PDHX: variants seen among roughly 807,000 people sequenced by gnomAD.
The protein encoded by PDHX is pyruvate dehydrogenase protein X component, mitochondrial.
A neutral mutation model predicts 55.3 loss-of-function variants in PDHX; 33 were observed. The observed-to-expected ratio is 0.60, with a 90% CI of 0.45 to 0.80. PDHX has a LOEUF of 0.80. Among genes scored for constraint, PDHX ranks in the 30% least tolerant of loss-of-function variants. The pLI is 0.00. For synonymous variants in PDHX, 226 were observed against 219.4 expected (o/e 1.03, Z -0.27); for missense variants, 622 against 619.9 (o/e 1.00, Z -0.04).
intron 5 of PDHX, among the ~76,000 whole-genome samples, chr11:34,964,795 CTATTAGCATAACTAATAT>C (rs1855093657): frequency 3.6e-5 from 1 of 27,424 alleles, no homozygotes; most frequent in African/African-American, 6.8e-5. Flanking sequence ...CTAATATTAG[CTATTAGCATAACTAATAT>C]TAGCTATTAG....
chr11:34,927,596 C>CCCCCA (rs1354286326), intron 1 of PDHX, among the ~76,000 whole-genome samples: 2 of 152,014 alleles, frequency 1.3e-5, no homozygotes, highest in African/African-American at 2.4e-5. Context: ...TAATTACTTT[C>CCCCCA]CCATCAGAAA....
At chr11:34,965,643 G>T (rs1276921609) in intron 5 of PDHX, among the ~76,000 whole-genome samples, 1 of 152,148 alleles carries the variant, frequency 6.6e-6, no homozygotes, top group Non-Finnish European at 1.5e-5. Context: ...TACACCAGGG[G>T]CAGGAATATT....
chr11:34,982,600 G>A (rs1473916397), intron 8 of PDHX, among the ~76,000 whole-genome samples: 1 of 151,980 alleles, frequency 6.6e-6, no homozygotes, highest in Non-Finnish European at 1.5e-5. Context: ...TATCACCACC[G>A]ATCCCACAGA....
At chr11:34,950,660 A>G (rs1374946019) in intron 3 of PDHX, among the ~76,000 whole-genome samples, 5 of 151,648 alleles carry the variant, frequency 3.3e-5, no homozygotes, top group Admixed American at 6.6e-5. Flanking sequence ...TTTACTGAGA[A>G]TGATGATTTC....
chr11:34,941,480 T>G (rs1282332514), intron 2 of PDHX, among the ~76,000 whole-genome samples: 1 of 152,210 alleles, frequency 6.6e-6, no homozygotes, highest in Non-Finnish European at 1.5e-5. Flanking sequence ...TTGAATTATT[T>G]TTGTTTCTGA....
chr11:34,947,564 T>C lies in PDHX; in HGVS notation c.300T>C (p.Val100=). 6.2e-7 allele frequency: 1 copy of C among 1,613,552 alleles called. No homozygotes were observed. Among genetic ancestry groups the C allele is most frequent in the South Asian group, 1.1e-5 (1 of 91,072 alleles). Residue 100 remains valine (V), a synonymous_variant, in exon 3 of 11, where the codon GTT becomes GTC. Coordinates refer to ENST00000227868, the MANE Select transcript of PDHX (RefSeq NM_003477.3). ...AAATTGAGACTGACAAAGCTGTGGT[T>C]ACCTTAGATGCAAGTGATGATGGAA... ...LCEIETDKAV[V]TLDASDDGIL... is the part of the protein sequence containing the mutation.
At chr11:34,916,234 G>A (rs146420175), upstream of PDHX, 5 of 1,611,754 alleles carry the variant, frequency 3.1e-6, no homozygotes, top group Non-Finnish European at 4.2e-6. Flanking sequence ...CTACCTGCGC[G>A]CCGCATCTCC....
intron 9 of PDHX, among the ~76,000 whole-genome samples, chr11:34,991,676 A>T (rs896152433): frequency 6.6e-6 from 1 of 152,080 alleles, no homozygotes; most frequent in Non-Finnish European, 1.5e-5. Context: ...TGGGAGGCCG[A>T]GGTGGGTGGA....
At chr11:34,973,659 A>G (rs551609406) in intron 7 of PDHX, among the ~76,000 whole-genome samples, 2 of 152,272 alleles carry the variant, frequency 1.3e-5, no homozygotes, top group South Asian at 4.1e-4. Context: ...CATGTTTAAT[A>G]TAAGAACCTC....
intron 7 of PDHX, among the ~76,000 whole-genome samples, chr11:34,972,951 A>G (rs1036998790): frequency 6.6e-6 from 1 of 152,116 alleles, no homozygotes; most frequent in African/African-American, 2.4e-5. Flanking sequence ...TCTTGAAAAG[A>G]ATTTTTTTAT....
At chr11:34,986,877 T>C (rs900171711) in intron 9 of PDHX, among the ~76,000 whole-genome samples, 3 of 152,202 alleles carry the variant, frequency 2.0e-5, no homozygotes, top group Non-Finnish European at 4.4e-5. Context: ...TCATTCTACC[T>C]GCTTCTCTTT....
chr11:34,925,858 T>C (rs982419826), intron 1 of PDHX, among the ~76,000 whole-genome samples: 2 of 152,168 alleles, frequency 1.3e-5, no homozygotes, highest in Non-Finnish European at 2.9e-5. Flanking sequence ...TTTTGGACTT[T>C]GAGATTAGGG....
chr11:34,975,384 T>C (rs1855345945), intron 7 of PDHX, among the ~76,000 whole-genome samples: 1 of 152,210 alleles, frequency 6.6e-6, no homozygotes, highest in Admixed American at 6.5e-5. Flanking sequence ...GTTAGACTTT[T>C]TGAATTGCCC....
chr11:34,973,558 T>C (rs992434658), intron 7 of PDHX, among the ~76,000 whole-genome samples: 2 of 152,256 alleles, frequency 1.3e-5, no homozygotes, highest in African/African-American at 4.8e-5. Flanking sequence ...TTTTTTCTCT[T>C]CTTACCTGCT....
chr11:34,971,573 A>G (rs907673250), intron 7 of PDHX, among the ~76,000 whole-genome samples: 3 of 152,170 alleles, frequency 2.0e-5, no homozygotes, highest in Non-Finnish European at 4.4e-5. Flanking sequence ...TCTGTTAATA[A>G]GGTGAATTAC....
In PDHX at chr11:34,994,952, C is replaced by G. The variant is rs375438296; in HGVS notation, c.1286C>G (p.Thr429Ser). ...GGGATGTTTGGCATCGACGAATTTA[C>G]TGCAGTGATTAACCCTCCTCAGGCC... The part of the protein sequence containing the change: ...NLGMFGIDEF[T>S]AVINPPQACI... The change falls in exon 11 of 11, where the codon ACT becomes AGT. Residue 429 changes from threonine to serine, a missense_variant. Thr to Ser is a moderately conservative substitution (Grantham distance 58). Transcript: ENST00000227868. 2.2e-5 allele frequency: 35 copies of G among 1,613,866 alleles called. No individual in the cohort carries two copies. The highest frequency in any genetic ancestry group is 2.9e-5 in the Non-Finnish European group (34 of 1,179,908).
intron 2 of PDHX, among the ~76,000 whole-genome samples, chr11:34,940,344 T>C (rs1854444847): frequency 6.6e-6 from 1 of 152,168 alleles, no homozygotes; most frequent in Non-Finnish European, 1.5e-5. Flanking sequence ...CTGTATAAAA[T>C]TCAGAAATAA....
chr11:34,964,393 C>G (rs887306261), intron 5 of PDHX, among the ~76,000 whole-genome samples: 2 of 152,086 alleles, frequency 1.3e-5, no homozygotes, highest in African/African-American at 2.4e-5. Context: ...CACTTGAGGC[C>G]AGGAGTTTGA....
At chr11:34,978,634 G>T (rs546450480) in intron 8 of PDHX, among the ~76,000 whole-genome samples, 1 of 152,224 alleles carries the variant, frequency 6.6e-6, no homozygotes, top group African/African-American at 2.4e-5. Flanking sequence ...CAGAGGGAGT[G>T]AGCCACATAG....
Sources: allele counts gnomAD v4.1 joint callset (sites outside exome capture counted in the v4.1 genomes callset), GRCh38; gene constraint gnomAD v4.1.1; transcripts MANE v1.5; gene names NCBI Gene and HGNC (gene_info 2026-07-23, HGNC 2026-07-21).